GPD2: variants seen among roughly 807,000 people sequenced by gnomAD.
GPD2 encodes the protein glycerol-3-phosphate dehydrogenase 2.
A neutral mutation model predicts 82.4 loss-of-function variants in GPD2; 54 were observed. The ratio of observed to expected loss-of-function variants is 0.66; its 90% confidence interval spans 0.53 to 0.82. The LOEUF (loss-of-function observed/expected upper bound fraction) is 0.82. Ranked by LOEUF, GPD2 falls within the 40% of genes least tolerant of loss-of-function variation. The pLI, the probability that GPD2 is intolerant of heterozygous loss-of-function variation, is 0.00. For missense variants in GPD2, 748 were observed against 896.2 expected (o/e 0.83, Z 2.11); for synonymous variants, 288 against 306.1 (o/e 0.94, Z 0.62).
intron 2 of GPD2, among the ~76,000 whole-genome samples, chr2:156,488,616 A>G (rs952587970): frequency 6.8e-6 from 1 of 146,090 alleles, no homozygotes; most frequent in Middle Eastern, 3.5e-3. Context: ...AATGTCTAGG[A>G]TTTTTTTTTT....
chr2:156,416,785 T>G, the GPD2 span, among the ~76,000 whole-genome samples: 1 of 152,066 alleles, frequency 6.6e-6, no homozygotes, highest in Non-Finnish European at 1.5e-5. Context: ...TGATTGGCAA[T>G]AGACACAATA....
chr2:156,461,294 G>T (rs1682979770), intron 1 of GPD2, among the ~76,000 whole-genome samples: 1 of 151,314 alleles, frequency 6.6e-6, no homozygotes. Context: ...ACCCTAAAAG[G>T]CATCCTCTAT....
Position 156,549,787 on chromosome 2 carries a change from T to G in GPD2, c.826+15T>G. ...TGTCCTCACAGGTATGCCAGGTATC[T>G]GGGAGGGAGGTATTTCTTAGTATCT... On this transcript the variant is annotated intron_variant, in intron 7 of 16. Transcript: ENST00000438166. The G allele has an allele frequency of 1.3e-6, 2 of 1,589,656 alleles. No individual in the cohort carries two copies. The highest frequency in any genetic ancestry group is 1.7e-6 in the Non-Finnish European group (2 of 1,158,326).
intron 2 of GPD2, among the ~76,000 whole-genome samples, chr2:156,479,011 C>G (rs1683624269): frequency 6.6e-6 from 1 of 152,080 alleles, no homozygotes; most frequent in Admixed American, 6.6e-5. Context: ...ATTTGGTACT[C>G]CCAGGACAAA....
chr2:156,462,894 C>G (rs180699340), intron 1 of GPD2, among the ~76,000 whole-genome samples: 24 of 152,280 alleles, frequency 1.6e-4, no homozygotes, highest in African/African-American at 5.8e-4. Flanking sequence ...ATGGGTGCAG[C>G]ACACCAACAT....
chr2:156,525,542 A>G (rs1319107613), intron 6 of GPD2, among the ~76,000 whole-genome samples: 1 of 152,256 alleles, frequency 6.6e-6, no homozygotes, highest in Non-Finnish European at 1.5e-5. Context: ...TATGTGAAGA[A>G]GAAAAACATG....
At chr2:156,572,874 T>G (rs1037232533) in intron 13 of GPD2, among the ~76,000 whole-genome samples, 7 of 152,108 alleles carry the variant, frequency 4.6e-5, no homozygotes, top group African/African-American at 1.7e-4. Context: ...CAACAAACAT[T>G]TATTTCTCAT....
intron 6 of GPD2, among the ~76,000 whole-genome samples, chr2:156,516,164 G>C (rs1685189511): frequency 6.6e-6 from 1 of 152,106 alleles, no homozygotes; most frequent in Non-Finnish European, 1.5e-5. Context: ...TAGTTTATAA[G>C]ATAAGCTTTT....
chr2:156,549,733 G>T lies in GPD2; in HGVS notation c.787G>T (p.Val263Leu). 2 of 1,614,106 alleles carry T rather than the reference G, an allele frequency of 1.2e-6. No individual in the cohort carries two copies. Among genetic ancestry groups the T allele is most frequent in the Non-Finnish European group, 1.7e-6 (2 of 1,179,934 alleles). ...GAAGACAGACCCCCAGACAGGGAAA[G>T]TGCGTGTGAGCGGCGCACGGTGCAA... is the stretch of plus-strand genomic sequence containing the variant. ...LKKTDPQTGK[V>L]RVSGARCKDV... Residue 263 changes from valine (V) to leucine (L), a missense_variant, in exon 7 of 17, where the codon GTG becomes TTG. Coordinates refer to ENST00000438166, the MANE Select transcript of GPD2 (RefSeq NM_000408.5).
At chr2:156,442,772 T>C (rs1168421525) in intron 1 of GPD2, among the ~76,000 whole-genome samples, 2 of 152,088 alleles carry the variant, frequency 1.3e-5, no homozygotes, top group Admixed American at 6.5e-5. Context: ...GCACTCCAGC[T>C]TGGGCAACAG....
intron 3 of GPD2, among the ~76,000 whole-genome samples, chr2:156,498,692 C>T (rs766609109): frequency 1.3e-5 from 2 of 151,666 alleles, no homozygotes; most frequent in Non-Finnish European, 2.9e-5. Context: ...AATGGATACA[C>T]GATACTGAAG....
chr2:156,439,935 A>G (rs530434656), intron 1 of GPD2, among the ~76,000 whole-genome samples: 42 of 152,204 alleles, frequency 2.8e-4, no homozygotes, highest in East Asian at 2.5e-3. Context: ...TATTTTATAT[A>G]TTTTTTACCT....
At chr2:156,459,259 G>C (rs963116181) in intron 1 of GPD2, among the ~76,000 whole-genome samples, 2 of 152,088 alleles carry the variant, frequency 1.3e-5, no homozygotes, top group Non-Finnish European at 2.9e-5. Flanking sequence ...AAGTCAGAGT[G>C]GGTTAAGGGG....
chr2:156,491,857 T>G (rs1684186989), intron 2 of GPD2, among the ~76,000 whole-genome samples: 2 of 151,846 alleles, frequency 1.3e-5, no homozygotes. Flanking sequence ...CTGTCACTAC[T>G]AAAACTATAA....
At chr2:156,555,026 A>G (rs188050244) in intron 8 of GPD2, among the ~76,000 whole-genome samples, 6 of 152,356 alleles carry the variant, frequency 3.9e-5, no homozygotes, top group Middle Eastern at 3.4e-3. Context: ...CATTGCGTAT[A>G]CTATCGCTAT....
chr2:156,442,157 A>G (rs893007654), intron 1 of GPD2, among the ~76,000 whole-genome samples: 1 of 152,224 alleles, frequency 6.6e-6, no homozygotes, highest in Non-Finnish European at 1.5e-5. Flanking sequence ...ATAGTGGGAA[A>G]AACAAACCTG....
At chr2:156,478,506 T>A (rs934394787) in intron 2 of GPD2, among the ~76,000 whole-genome samples, 1 of 151,582 alleles carries the variant, frequency 6.6e-6, no homozygotes, top group Non-Finnish European at 1.5e-5. Flanking sequence ...TGGCAAAAAA[T>A]AATAATAATA....
chr2:156,487,174 C>CG (rs1308811140), intron 2 of GPD2, among the ~76,000 whole-genome samples: 1 of 151,412 alleles, frequency 6.6e-6, no homozygotes, highest in Non-Finnish European at 1.5e-5. Flanking sequence ...GGTGTGGTGG[C>CG]GGGGGGCGCC....
intron 1 of GPD2, among the ~76,000 whole-genome samples, chr2:156,459,655 T>C (rs1682914548): frequency 8.8e-6 from 1 of 113,712 alleles, no homozygotes; most frequent in African/African-American, 3.4e-5. Context: ...GCCACTGCAT[T>C]CTAGCCTGGC....
Sources: gnomAD v4.1 joint callset for allele counts (sites outside exome capture counted in the v4.1 genomes callset) on GRCh38, gnomAD v4.1.1 for gene constraint, MANE v1.5 for transcripts, NCBI Gene and HGNC (gene_info 2026-07-23, HGNC 2026-07-21) for gene names.